The following USH2A variants were observed in gnomAD, a reference collection of about 807,000 sequenced individuals.
USH2A encodes the protein usherin, also known as Usher syndrome 2A (autosomal recessive, mild).
USH2A carries 443 observed loss-of-function variants against 538.9 expected under a neutral mutation model. That is an observed-to-expected ratio of 0.82 (90% CI 0.76 to 0.89). USH2A has a LOEUF of 0.89. Ranked by LOEUF, USH2A falls within the 40% of genes least tolerant of loss-of-function variation. The pLI, the probability that USH2A is intolerant of heterozygous loss-of-function variation, is 0.00. For synonymous variants in USH2A, 2,413 were observed against 2,273.5 expected (o/e 1.06, Z -1.75); for missense variants, 6,633 against 6,324.8 (o/e 1.05, Z -1.65).
At chr1:215,817,794 AT>A (rs112636426) in intron 47 of USH2A, among the ~76,000 whole-genome samples, 5,159 of 152,076 alleles carry the variant, frequency 0.034, 98 homozygotes, top group African/African-American at 0.05. Context: ...TATATTTGGC[AT>A]TGGTTCACCA....
chr1:216,097,119 C>T lies in USH2A; in HGVS notation c.4722G>A (p.Leu1574=). 1 of 1,614,120 alleles carries T rather than the reference C, an allele frequency of 6.2e-7. No individual in the cohort carries two copies. ...AAAGAAAATAAAGACGTCCCTTCTTCAACTGAAGTGCAAAATACTCTTCCT... is the reference window on the plus strand; with the variant it reads ...AAAGAAAATAAAGACGTCCCTTCTTTAACTGAAGTGCAAAATACTCTTCCT... ...GNQEEYFALQ[L]KKGRLYFLFD... Residue 1574 remains leucine, a synonymous_variant, in exon 22 of 72, where the codon TTG becomes TTA. Transcript: ENST00000307340.
At chr1:216,103,576 C>A (rs1273854054) in intron 21 of USH2A, among the ~76,000 whole-genome samples, 2 of 152,040 alleles carry the variant, frequency 1.3e-5, no homozygotes, top group Non-Finnish European at 2.9e-5. Context: ...AGAGAAGGAA[C>A]CTGTAATACA....
chr1:215,860,218 C>T (rs866359628), intron 44 of USH2A, among the ~76,000 whole-genome samples: 1 of 152,190 alleles, frequency 6.6e-6, no homozygotes, highest in East Asian at 1.9e-4. Context: ...TCCTTATTGA[C>T]TTCCCAGCCT....
intron 67 of USH2A, among the ~76,000 whole-genome samples, chr1:215,644,658 C>T (rs1656791008): frequency 6.6e-6 from 1 of 152,148 alleles, no homozygotes; most frequent in Non-Finnish European, 1.5e-5. Flanking sequence ...GCGTTGAATG[C>T]TACTGGAAAG....
chr1:215,940,471 G>A (rs1330504431), intron 37 of USH2A, among the ~76,000 whole-genome samples: 1 of 152,034 alleles, frequency 6.6e-6, no homozygotes, highest in Non-Finnish European at 1.5e-5. Context: ...CAAAAAGCAA[G>A]TGTTTCTTCC....
chr1:216,172,442 A>G (rs1454577363), intron 21 of USH2A, among the ~76,000 whole-genome samples: 2 of 152,128 alleles, frequency 1.3e-5, no homozygotes, highest in African/African-American at 2.4e-5. Context: ...TGAATAATTC[A>G]AAACAAAGGA....
chr1:215,845,774 C>A (rs780488668), intron 45 of USH2A, 50 bp downstream of exon 45: 2 of 1,580,524 alleles, frequency 1.3e-6, no homozygotes, highest in South Asian at 1.1e-5. Flanking sequence ...AAGAATCAAT[C>A]AATTTCATTC....
chr1:215,627,461 C>CTTCT (rs1656091144), intron 71 of USH2A, among the ~76,000 whole-genome samples: 10 of 133,262 alleles, frequency 7.5e-5, no homozygotes, highest in African/African-American at 8.4e-5. Context: ...TCCTTCCTTC[C>CTTCT]TTCCTTCCTT....
rs1159935202 is a variant in USH2A at position 215,998,512 on chromosome 1, T to C, written c.6657+375A>G. ...AAATATAAGATCTAAATTTTCATAC[T>C]GTGCATTGTTTTTTAAATGAATACA... On this transcript the variant is annotated intron_variant, in intron 34 of 71. Transcript: ENST00000307340. Among the ~76,000 whole-genome samples, 3 of 152,098 alleles carry C rather than the reference T, an allele frequency of 2.0e-5. No homozygotes were observed. In the East Asian group the frequency reaches 5.8e-4, roughly 29 times the overall value.
intron 30 of USH2A, among the ~76,000 whole-genome samples, chr1:216,068,112 G>A (rs2031438317): frequency 6.6e-6 from 1 of 152,194 alleles, no homozygotes; most frequent in Non-Finnish European, 1.5e-5. Context: ...GGAGAATGCT[G>A]AAGAGTGGTG....
intron 21 of USH2A, among the ~76,000 whole-genome samples, chr1:216,132,449 G>C (rs1330415878): frequency 1.3e-5 from 2 of 151,832 alleles, no homozygotes; most frequent in African/African-American, 4.8e-5. Context: ...TTGTTGTTTG[G>C]GGAGATGAGA....
At chr1:215,899,930 C>T in intron 40 of USH2A, 145 bp downstream of exon 40, 1 of 1,178,386 alleles carries the variant, frequency 8.5e-7, no homozygotes, top group Non-Finnish European at 1.2e-6. Flanking sequence ...ACCACCTTTG[C>T]TCACTCTCTT....
At chr1:215,959,684 C>A (rs1667150500) in intron 37 of USH2A, among the ~76,000 whole-genome samples, 1 of 152,060 alleles carries the variant, frequency 6.6e-6, no homozygotes, top group South Asian at 2.1e-4. Flanking sequence ...CCATATCTCT[C>A]TTTTTCAAAT....
At chr1:215,857,626 C>T (rs555525482) in intron 44 of USH2A, among the ~76,000 whole-genome samples, 21 of 152,270 alleles carry the variant, frequency 1.4e-4, no homozygotes, top group South Asian at 4.1e-4. Flanking sequence ...GTGCATCCCA[C>T]GTACAAAAAT....
In USH2A at chr1:216,058,132, C is replaced by T. The variant is rs145883532; in HGVS notation, c.6050-9485G>A. ...TCATCTTGAACTATGAGGTAGAAGC[C>T]TTGTCCATAAGGATGACACAGCAAA... On this transcript the variant is annotated intron_variant, in intron 30 of 71. Coordinates refer to ENST00000307340, the MANE Select transcript of USH2A (RefSeq NM_206933.4). Among the ~76,000 whole-genome samples the T allele has an allele frequency of 1.1e-3, 160 of 150,428 alleles. 4 individuals carry two copies. In the East Asian group the frequency reaches 0.017, roughly 16 times the overall value.
intron 15 of USH2A, among the ~76,000 whole-genome samples, chr1:216,216,513 T>A (rs1264283944): frequency 1.3e-5 from 2 of 152,042 alleles, no homozygotes; most frequent in Non-Finnish European, 2.9e-5. Flanking sequence ...TGGCGTTTCC[T>A]ATCATTGTGA....
At chr1:216,125,311 T>C (rs1162485839) in intron 21 of USH2A, among the ~76,000 whole-genome samples, 2 of 151,934 alleles carry the variant, frequency 1.3e-5, no homozygotes, top group East Asian at 3.9e-4. Flanking sequence ...TCAAACAATA[T>C]GGGACCCCTT....
intron 21 of USH2A, among the ~76,000 whole-genome samples, chr1:216,133,305 A>G (rs749213839): frequency 2.0e-5 from 3 of 152,114 alleles, no homozygotes; most frequent in Admixed American, 6.6e-5. Flanking sequence ...GGCAGGACCA[A>G]TAGGCTAGTT....
intron 21 of USH2A, among the ~76,000 whole-genome samples, chr1:216,117,879 T>C (rs1451752910): frequency 1.3e-5 from 2 of 151,392 alleles, no homozygotes; most frequent in African/African-American, 4.9e-5. Context: ...TACACATATA[T>C]AGATATATAT....
Sources: allele counts gnomAD v4.1 joint callset (sites outside exome capture counted in the v4.1 genomes callset), GRCh38; gene constraint gnomAD v4.1.1; transcripts MANE v1.5; gene names NCBI Gene and HGNC (gene_info 2026-07-23, HGNC 2026-07-21).